The following TBC1D9B variants were observed in gnomAD, a reference collection of about 807,000 sequenced individuals.
TBC1D9B encodes the protein TBC1 domain family, member 9B (with GRAM domain).
A neutral mutation model predicts 121.1 loss-of-function variants in TBC1D9B; 87 were observed. That is an observed-to-expected ratio of 0.72 (90% CI 0.60 to 0.86). TBC1D9B has a LOEUF of 0.86. Ranked by LOEUF, TBC1D9B falls within the 40% of genes least tolerant of loss-of-function variation. TBC1D9B has a pLI of 0.00. For missense variants in TBC1D9B, 1,540 were observed against 1,628.6 expected, an observed-to-expected ratio of 0.95 and a Z score of 0.94; for synonymous variants, 668 against 670.1, an observed-to-expected ratio of 1.00 and a Z score of 0.05.
chr5:179,899,992 G>A (rs2113648139), intron 2 of TBC1D9B, among the ~76,000 whole-genome samples: 1 of 152,288 alleles, frequency 6.6e-6, no homozygotes, highest in Admixed American at 6.5e-5. Flanking sequence ...CACTTTGGGA[G>A]GCTGAGGCAG....
chr5:179,888,671 G>C (rs1463445439), intron 6 of TBC1D9B, among the ~76,000 whole-genome samples: 1 of 152,162 alleles, frequency 6.6e-6, no homozygotes, highest in East Asian at 1.9e-4. Flanking sequence ...CTTGTTCCCA[G>C]GGAACACTTT....
chr5:179,905,534 T>C (rs1179766791), intron 1 of TBC1D9B, among the ~76,000 whole-genome samples: 2 of 152,254 alleles, frequency 1.3e-5, no homozygotes, highest in Non-Finnish European at 2.9e-5. Context: ...TTTGAGGGCA[T>C]TTCAAGTTTT....
intron 2 of TBC1D9B, among the ~76,000 whole-genome samples, chr5:179,900,973 C>A (rs1407918679): frequency 2.0e-5 from 3 of 152,344 alleles, no homozygotes; most frequent in Non-Finnish European, 4.4e-5. Flanking sequence ...GGGCCTGTCA[C>A]CTGCTCCAGC....
chr5:179,895,953 C>T (rs1019543959), intron 3 of TBC1D9B, among the ~76,000 whole-genome samples: 2 of 152,212 alleles, frequency 1.3e-5, no homozygotes, highest in Admixed American at 6.5e-5. Context: ...CCTCCCTCCC[C>T]CTTTCTGCCT....
At chr5:179,870,066 C>A (rs965232691) in intron 16 of TBC1D9B, among the ~76,000 whole-genome samples, 189 bp downstream of exon 16, 2 of 152,078 alleles carry the variant, frequency 1.3e-5, no homozygotes, top group African/African-American at 4.8e-5. Context: ...GGGAGGGGAG[C>A]GGGCAAGGCT....
At position 179,865,958 on chromosome 5, in the gene TBC1D9B, C is replaced by T; in HGVS notation, c.2864-70G>A. 6.3e-7 allele frequency: 1 copy of T among 1,583,324 alleles called. No individual in the cohort carries two copies. Among genetic ancestry groups the T allele is most frequent in the South Asian group, 1.1e-5 (1 of 90,300 alleles). On this transcript the variant is annotated intron_variant, in intron 18 of 20. Coordinates refer to ENST00000355235, the MANE Select transcript of TBC1D9B (RefSeq NM_015043.4). The surrounding 1 kb of genome is among the most constrained non-coding windows in gnomAD (Gnocchi z 5.1). ...GTTGGGACTGCAAGCTCCTGGGGTC[C>T]TTGAGATGTAGTCTGTGTTTCTGTA...
At chr5:179,878,592 T>C (rs1760432726) in intron 9 of TBC1D9B, 69 bp from the exon 10 acceptor site, 8 of 1,464,878 alleles carry the variant, frequency 5.5e-6, no homozygotes, top group South Asian at 3.9e-5. Flanking sequence ...ACAGGGCAGG[T>C]TGGAGTCACC....
intron 17 of TBC1D9B, 83 bp from the exon 18 acceptor site, chr5:179,867,932 A>T: frequency 1.5e-6 from 2 of 1,364,158 alleles, no homozygotes; most frequent in Admixed American, 2.8e-5. Context: ...CCCTGGGCAG[A>T]GCCTTGCTTT....
At chr5:179,899,466 A>G (rs1761110569) in intron 2 of TBC1D9B, among the ~76,000 whole-genome samples, 159 bp from the exon 3 acceptor site, 1 of 152,246 alleles carries the variant, frequency 6.6e-6, no homozygotes, top group Non-Finnish European at 1.5e-5. Context: ...GGATATGTGC[A>G]TAACAAAGTA....
chr5:179,877,751 T>C lies in TBC1D9B; in HGVS notation c.1782+558A>G, dbSNP rs890905315. Among the ~76,000 whole-genome samples the C allele has an allele frequency of 4.0e-5, 6 of 151,758 alleles. No homozygotes were observed. In the East Asian group the frequency reaches 7.8e-4, roughly 20 times the overall value. On this transcript the variant is annotated intron_variant, in intron 10 of 20. Coordinates refer to ENST00000355235, the MANE Select transcript of TBC1D9B (RefSeq NM_015043.4). Reference sequence around the variant, plus strand: ...AGCCTGAGAAAGAAATTCTGACACATTCATATGACATGGATGACCCTTGAG... The same window carrying C: ...AGCCTGAGAAAGAAATTCTGACACACTCATATGACATGGATGACCCTTGAG...
At position 179,875,944 on chromosome 5, in the gene TBC1D9B, C is replaced by A; in HGVS notation, c.1876G>T (p.Asp626Tyr). The A allele has an allele frequency of 1.9e-6, 3 of 1,608,796 alleles. No individual in the cohort carries two copies. Among genetic ancestry groups the A allele is most frequent in the Non-Finnish European group, 2.5e-6 (3 of 1,178,068 alleles). Residue 626 changes from aspartate to tyrosine, a missense_variant, in exon 11 of 21, where the codon GAC becomes TAC. Coordinates refer to ENST00000355235, the MANE Select transcript of TBC1D9B (RefSeq NM_015043.4). The surrounding 1 kb of genome is among the most constrained non-coding windows in gnomAD (Gnocchi z 4.5). ...LVALCERMLP[D>Y]YYNTRVVGAL... ...CCCACCACCCTGGTGTTGTAGTAGT[C>A]GGGCAGCATGCGCTCGCACAGGGCC... is the stretch of plus-strand genomic sequence containing the variant.
chr5:179,873,078 G>A, intron 13 of TBC1D9B, 41 bp downstream of exon 13: 16 of 1,612,190 alleles, frequency 9.9e-6, no homozygotes, highest in Non-Finnish European at 1.4e-5. Flanking sequence ...CCACATGCCA[G>A]ATGGAGCGGC....
In TBC1D9B at chr5:179,873,239, A is replaced by T; in HGVS notation, c.2196T>A (p.Asp732Glu). Residue 732 changes from aspartate (D) to glutamate (E), a missense_variant, in exon 13 of 21, where the codon GAT becomes GAA. Coordinates refer to ENST00000355235, the MANE Select transcript of TBC1D9B (RefSeq NM_015043.4). ...EAMTMLGRYL[D>E]NVVNKQSVSP... is the part of the protein sequence containing the mutation. ...AGACACTCTGCTTGTTGACCACATT[A>T]TCCAGGTATCTGCAAAGGACAGAGG... 6.2e-7 allele frequency: 1 copy of T among 1,608,058 alleles called. No homozygotes were observed. Among genetic ancestry groups the T allele is most frequent in the Non-Finnish European group, 8.5e-7 (1 of 1,177,126 alleles).
intron 12 of TBC1D9B, 26 bp from the exon 13 acceptor site, chr5:179,873,274 C>T: frequency 3.2e-6 from 5 of 1,556,992 alleles, no homozygotes; most frequent in Non-Finnish European, 4.3e-6. Context: ...GACAACAGTC[C>T]AGACCACGCC....
In TBC1D9B at chr5:179,894,395, C is replaced by G. The variant is rs769437938; in HGVS notation, c.568G>C (p.Gly190Arg). The change falls in exon 4 of 21, where the codon GGG (glycine) becomes CGG (arginine). Residue 190 changes from glycine to arginine, a missense_variant. Transcript: ENST00000355235. ...TGAGGGGCGGGCTCACCTTCCTTCC[C>G]CAGCAGGAAGGAGTAGAAGCACAGG... ...NHLCFYSFLL[G>R]KEVSLVVQWV... is the part of the protein sequence containing the mutation. 16 of 1,612,282 alleles carry G rather than the reference C, an allele frequency of 9.9e-6. No individual in the cohort carries two copies. The South Asian group carries it at 1.8e-4, about 18-fold the overall frequency.
In TBC1D9B at chr5:179,873,151, C is replaced by T. The variant is rs754344153; in HGVS notation, c.2284G>A (p.Asp762Asn). 236 of 1,612,444 alleles carry T rather than the reference C, an allele frequency of 1.5e-4. No individual in the cohort carries two copies. Among genetic ancestry groups the T allele is most frequent in the Non-Finnish European group, 2.0e-4 (231 of 1,179,398 alleles). ...GACACTTTCAGGAGCTCAAAGATGT[C>T]CACCTCTGCAGGGGGGTCATCGCTG... ...SSSDDPPAEVDIFELLKVSYE... is the reference protein window; with the variant it reads ...SSSDDPPAEVNIFELLKVSYE... The change falls in exon 13 of 21, where the codon GAC becomes AAC. Residue 762 changes from aspartate to asparagine, a missense_variant. Asp to Asn is a conservative substitution (Grantham distance 23). Transcript: ENST00000355235.
intron 7 of TBC1D9B, among the ~76,000 whole-genome samples, chr5:179,884,731 C>T (rs973269402): frequency 2.0e-5 from 3 of 152,176 alleles, no homozygotes; most frequent in Non-Finnish European, 2.9e-5. Flanking sequence ...GAGGACATCA[C>T]GCTGAATGAA....
Position 179,893,474 on chromosome 5 carries a change from CCA to C in TBC1D9B, c.578-9_578-8del, listed in dbSNP as rs763758581. 20 of 1,592,074 alleles carry C rather than the reference CCA, an allele frequency of 1.3e-5. No homozygotes were observed. The South Asian group carries it at 2.2e-4, about 17-fold the overall frequency. On this transcript the variant is annotated splice_region_variant and splice_polypyrimidine_tract_variant and intron_variant, in intron 4 of 20. Coordinates refer to ENST00000355235, the MANE Select transcript of TBC1D9B (RefSeq NM_015043.4). ...CACTGCACCACGAGGCTCACTGTGC[CCA>C]CAGAGATAGACACACCGCAAGTTAG...
chr5:179,899,060 G>A (rs982945635), intron 3 of TBC1D9B, 129 bp downstream of exon 3: 14 of 707,498 alleles, frequency 2.0e-5, no homozygotes, highest in Middle Eastern at 3.9e-4. Context: ...GAGAAGGAGC[G>A]CTGACACTTC....
Sources: allele counts gnomAD v4.1 joint callset (sites outside exome capture counted in the v4.1 genomes callset), GRCh38; gene constraint gnomAD v4.1.1; non-coding constraint Gnocchi (gnomAD v3.1); transcripts MANE v1.5; gene names NCBI Gene and HGNC (gene_info 2026-07-23, HGNC 2026-07-21).